The following ZPBP variants were observed in gnomAD, a reference collection of about 807,000 sequenced individuals.
ZPBP encodes zona pellucida binding protein, also known as zona pellucida-binding protein 1.
Under a neutral mutation model 44.8 loss-of-function variants are expected in ZPBP, and 26 were observed. The ratio of observed to expected loss-of-function variants is 0.58; its 90% CI spans 0.43 to 0.81. The LOEUF (loss-of-function observed/expected upper bound fraction) is 0.81. Among genes scored for constraint, ZPBP ranks in the 30% least tolerant of loss-of-function variants. The probability of loss-of-function intolerance (pLI) is 0.00; values close to 1 mark genes in which losing one functional copy is unlikely to be tolerated. For synonymous variants in ZPBP, 174 were observed against 153.2 expected (o/e 1.14, Z -1.00); for missense variants, 409 against 434.0 (o/e 0.94, Z 0.51).
chr7:49,978,309 A>T (rs895257972), intron 7 of ZPBP, among the ~76,000 whole-genome samples: 1 of 151,900 alleles, frequency 6.6e-6, no homozygotes, highest in Non-Finnish European at 1.5e-5. Context: ...GTCTCTCTTT[A>T]AAGTGCCAAA....
chr7:49,911,629 G>A (rs1038542538), intron 1 of ZPBP, among the ~76,000 whole-genome samples: 23 of 152,142 alleles, frequency 1.5e-4, no homozygotes, highest in Middle Eastern at 3.4e-3. Flanking sequence ...GGGTGCAGTG[G>A]CTCATGCCTG....
intron 6 of ZPBP, among the ~76,000 whole-genome samples, chr7:49,993,850 A>T (rs777443067): frequency 1.7e-4 from 12 of 71,274 alleles, no homozygotes; most frequent in Non-Finnish European, 2.7e-4. Context: ...TCATGAGCAC[A>T]TTGGGACATG....
chr7:49,911,879 A>G (rs1793460659), intron 1 of ZPBP, among the ~76,000 whole-genome samples: 1 of 151,036 alleles, frequency 6.6e-6, no homozygotes, highest in African/African-American at 2.4e-5. Flanking sequence ...CCTGGGTGAT[A>G]GAGCAAGACT....
chr7:50,048,559 GA>G (rs1165968745), intron 4 of ZPBP, among the ~76,000 whole-genome samples: 2 of 151,786 alleles, frequency 1.3e-5, no homozygotes, highest in Non-Finnish European at 2.9e-5. Context: ...ACTCAGAAAT[GA>G]AAATTAACAG....
intron 7 of ZPBP, among the ~76,000 whole-genome samples, chr7:49,960,494 CACTT>C (rs1239520889): frequency 2.0e-5 from 3 of 151,132 alleles, no homozygotes; most frequent in South Asian, 2.1e-4. Context: ...AGAACACAAA[CACTT>C]ACATAAACTA....
rs371174072 is a variant in ZPBP at position 50,036,850 on chromosome 7, G to C, written c.488-5540C>G. ...AAGGTTAACACAAGAAAGGAAGTTAGGGAAAGAGAACAAGAAAAATCAAAG... is the reference window on the plus strand; with the variant it reads ...AAGGTTAACACAAGAAAGGAAGTTACGGAAAGAGAACAAGAAAAATCAAAG... On this transcript the variant is annotated intron_variant, in intron 4 of 7. Coordinates refer to ENST00000046087, the MANE Select transcript of ZPBP (RefSeq NM_007009.3). Among the ~76,000 whole-genome samples the C allele has an allele frequency of 9.9e-5, 15 of 151,846 alleles. 1 individual carries two copies. In the South Asian group the frequency reaches 3.1e-3, roughly 32 times the overall value.
chr7:49,911,265 C>T (rs1470713551), intron 1 of ZPBP, among the ~76,000 whole-genome samples: 3 of 151,930 alleles, frequency 2.0e-5, no homozygotes, highest in South Asian at 2.1e-4. Context: ...GGGCAGATCA[C>T]GAGGTCAAGA....
chr7:49,929,177 T>C (rs1794361470), intron 1 of ZPBP, among the ~76,000 whole-genome samples: 1 of 152,230 alleles, frequency 6.6e-6, no homozygotes, highest in Non-Finnish European at 1.5e-5. Flanking sequence ...CTCCTCACTC[T>C]AGACATTGAG....
At chr7:49,906,839 G>C (rs1793124745) in intron 1 of ZPBP, among the ~76,000 whole-genome samples, 2 of 152,198 alleles carry the variant, frequency 1.3e-5, no homozygotes, top group Admixed American at 1.3e-4. Flanking sequence ...AACACTTGAT[G>C]TTTTCGTTGG....
chr7:50,044,952 C>G (rs187225415), intron 4 of ZPBP, among the ~76,000 whole-genome samples: 1 of 152,162 alleles, frequency 6.6e-6, no homozygotes, highest in African/African-American at 2.4e-5. Flanking sequence ...TTATCCACCA[C>G]GATCAAGTCA....
intron 2 of ZPBP, among the ~76,000 whole-genome samples, chr7:49,884,316 A>G (rs967598224): frequency 6.6e-6 from 1 of 152,230 alleles, no homozygotes; most frequent in Admixed American, 6.5e-5. Context: ...TAGCATGGAG[A>G]GCCAATCACT....
intron 5 of ZPBP, among the ~76,000 whole-genome samples, chr7:50,024,197 C>T (rs551340102): frequency 1.3e-4 from 19 of 146,536 alleles, no homozygotes; most frequent in South Asian, 4.2e-4. Flanking sequence ...AACCCTTGTA[C>T]GCTGTTAGTA....
chr7:49,934,695 C>T (rs1223109924), downstream of ZPBP, among the ~76,000 whole-genome samples: 1 of 152,036 alleles, frequency 6.6e-6, no homozygotes, highest in East Asian at 1.9e-4. Context: ...ATATATAATA[C>T]AGAAATTAAT....
chr7:49,853,649 G>A (rs184825534), intron 2 of ZPBP, among the ~76,000 whole-genome samples: 71 of 151,880 alleles, frequency 4.7e-4, no homozygotes, highest in Middle Eastern at 6.8e-3. Flanking sequence ...GTTTATGAAC[G>A]TTTGTTTTTC....
At chr7:49,999,394 G>A (rs1172025228) in intron 6 of ZPBP, among the ~76,000 whole-genome samples, 4 of 151,888 alleles carry the variant, frequency 2.6e-5, no homozygotes, top group African/African-American at 7.3e-5. Flanking sequence ...AGCTGACTGC[G>A]CCAAAGAATG....
At chr7:49,995,948 C>T (rs193276377) in intron 6 of ZPBP, among the ~76,000 whole-genome samples, 2 of 152,194 alleles carry the variant, frequency 1.3e-5, no homozygotes, top group East Asian at 1.9e-4. Flanking sequence ...CAAATTCTAA[C>T]GTTCCATGGC....
chr7:49,923,427 G>A (rs2128747928), intron 1 of ZPBP, among the ~76,000 whole-genome samples: 1 of 152,308 alleles, frequency 6.6e-6, no homozygotes, highest in South Asian at 2.1e-4. Context: ...TATGCTGAAT[G>A]AAAAGAACTG....
chr7:49,859,796 A>G (rs146498989), intron 2 of ZPBP, among the ~76,000 whole-genome samples: 73,232 of 121,100 alleles, frequency 0.6, 19,146 homozygotes, highest in East Asian at 0.75. Flanking sequence ...GCGTGCACAC[A>G]CACACACACA....
chr7:49,975,766 C>T (rs1796484354), intron 7 of ZPBP, among the ~76,000 whole-genome samples: 1 of 152,122 alleles, frequency 6.6e-6, no homozygotes, highest in African/African-American at 2.4e-5. Flanking sequence ...TAACAGGTCA[C>T]AAATGCTTCA....
Sources: gnomAD v4.1 joint callset for allele counts (sites outside exome capture counted in the v4.1 genomes callset) on GRCh38, gnomAD v4.1.1 for gene constraint, MANE v1.5 for transcripts, NCBI Gene and HGNC (gene_info 2026-07-23, HGNC 2026-07-21) for gene names.